The following TPD52L2 variants were observed in gnomAD, a reference collection of about 807,000 sequenced individuals.
TPD52L2 encodes TPD52 like 2.
A neutral mutation model predicts 24.7 loss-of-function variants in TPD52L2; 19 were observed. That is an observed-to-expected ratio of 0.77 (90% CI 0.54 to 1.13). The LOEUF (loss-of-function observed/expected upper bound fraction) is 1.13. Among genes scored for constraint, TPD52L2 ranks in the 50% most tolerant of loss-of-function variants. TPD52L2 has a pLI of 0.00. For missense variants in TPD52L2, 236 were observed against 250.4 expected, an observed-to-expected ratio of 0.94 and a Z score of 0.39; for synonymous variants, 104 against 100.2, an observed-to-expected ratio of 1.04 and a Z score of -0.23.
chr20:63,885,689 C>G (rs2053065527), intron 5 of TPD52L2, among the ~76,000 whole-genome samples: 1 of 152,224 alleles, frequency 6.6e-6, no homozygotes, highest in Non-Finnish European at 1.5e-5. Flanking sequence ...GCTGTGGCTT[C>G]TCCAAACAGG....
intron 4 of TPD52L2, 79 bp downstream of exon 4, chr20:63,875,954 C>CAAAT: frequency 2.2e-6 from 3 of 1,394,648 alleles, no homozygotes; most frequent in Non-Finnish European, 3.0e-6. Flanking sequence ...GGGCTGTGCA[C>CAAAT]ACTTGGCACA....
intron 1 of TPD52L2, among the ~76,000 whole-genome samples, chr20:63,867,785 CT>C (rs892125685): frequency 7.5e-5 from 11 of 146,212 alleles, no homozygotes; most frequent in Admixed American, 6.1e-4. Flanking sequence ...TTTTTCTTTT[CT>C]TTTGTTTTTT....
intron 5 of TPD52L2, chr20:63,885,918 G>A: frequency 2.3e-6 from 3 of 1,318,706 alleles, no homozygotes; most frequent in Admixed American, 3.4e-5. Context: ...GCACGAGCAG[G>A]GGGCCTCCCC....
At chr20:63,871,391 C>T (rs2052458478) in intron 2 of TPD52L2, among the ~76,000 whole-genome samples, 1 of 151,734 alleles carries the variant, frequency 6.6e-6, no homozygotes, top group South Asian at 2.1e-4. Flanking sequence ...ACTCTGTCGC[C>T]CAGGCTGGAG....
At chr20:63,886,528 A>T (rs933768659) in intron 5 of TPD52L2, among the ~76,000 whole-genome samples, 2 of 151,470 alleles carry the variant, frequency 1.3e-5, no homozygotes, top group Admixed American at 1.3e-4. Context: ...CGCCCGGCTA[A>T]TTTTTTGTAT....
At chr20:63,886,292 C>T (rs1347178943) in intron 5 of TPD52L2, among the ~76,000 whole-genome samples, 1 of 152,122 alleles carries the variant, frequency 6.6e-6, no homozygotes, top group Non-Finnish European at 1.5e-5. Context: ...CCTTCAGGCT[C>T]ACAGACCGCC....
At chr20:63,873,610 G>A in intron 2 of TPD52L2, 58 bp from the exon 3 acceptor site, 23 of 1,587,514 alleles carry the variant, frequency 1.4e-5, no homozygotes, top group Non-Finnish European at 2.6e-6. Context: ...TGTGCATGAG[G>A]ATGTTAGTCA....
chr20:63,875,677 C>T (rs558305818), intron 3 of TPD52L2, 139 bp from the exon 4 acceptor site: 1 of 795,566 alleles, frequency 1.3e-6, no homozygotes, highest in South Asian at 1.6e-5. Flanking sequence ...AGGCAGTGGA[C>T]CCCATTTTTG....
At chr20:63,873,950 T>G in intron 3 of TPD52L2, 134 bp downstream of exon 3, 1 of 1,050,002 alleles carries the variant, frequency 9.5e-7, no homozygotes, top group South Asian at 2.1e-5. Context: ...TTTGGAAGGA[T>G]CCAGAGAGAG....
chr20:63,869,911 TC>T (rs2052396540), intron 2 of TPD52L2, among the ~76,000 whole-genome samples: 1 of 152,162 alleles, frequency 6.6e-6, no homozygotes, highest in African/African-American at 2.4e-5. Context: ...GGTGGGAAGA[TC>T]ACTTGAGCCC....
chr20:63,888,433 C>T (rs1027765010), intron 5 of TPD52L2: 1 of 150,006 alleles, frequency 6.7e-6, no homozygotes, highest in Non-Finnish European at 1.5e-5. Flanking sequence ...CGACAGCCCC[C>T]CAACTGCGCA....
At chr20:63,889,474 TGCCCTTCCTGGTCCCC>T in intron 6 of TPD52L2, among the ~76,000 whole-genome samples, 1 of 107,536 alleles carries the variant, frequency 9.3e-6, no homozygotes. Context: ...GCCTCCACAC[TGCCCTTCCTGGTCCCC>T]ACTGCCCTTC....
chr20:63,885,760 G>A (rs542414389), intron 5 of TPD52L2, among the ~76,000 whole-genome samples: 2 of 152,258 alleles, frequency 1.3e-5, no homozygotes, highest in East Asian at 1.9e-4. Context: ...GGGCACAGCC[G>A]TGAGGCTGAG....
intron 2 of TPD52L2, among the ~76,000 whole-genome samples, chr20:63,872,829 G>A (rs890249546): frequency 1.3e-5 from 2 of 152,032 alleles, no homozygotes; most frequent in Non-Finnish European, 2.9e-5. Context: ...TCAGCCTCCC[G>A]AGTAGCTGGG....
intron 3 of TPD52L2, among the ~76,000 whole-genome samples, chr20:63,875,163 A>G (rs186576608): frequency 0.02 from 2,907 of 148,284 alleles, 31 homozygotes; most frequent in Middle Eastern, 0.046. Flanking sequence ...ATATATATAT[A>G]TATATATTTA....
intron 1 of TPD52L2, among the ~76,000 whole-genome samples, chr20:63,867,203 C>T (rs1414365023): frequency 6.6e-6 from 1 of 152,182 alleles, no homozygotes; most frequent in Admixed American, 6.5e-5. Context: ...ATCTGCCCGC[C>T]TTGGCCTCCA....
rs1013250921 is a variant in TPD52L2 at position 63,890,337 on chromosome 20, C to T, written c.*392C>T. ...AGTGGCATTTTCTGACTTCTTCCTC[C>T]TCCTCCTTCCCTGACTCACAGAAGG... On this transcript the variant is annotated 3_prime_UTR_variant, in exon 7 of 7. Transcript: ENST00000346249. 1.6e-5 allele frequency: 4 copies of T among 254,402 alleles called. No homozygotes were observed. The highest frequency in any genetic ancestry group is 3.0e-5 in the Non-Finnish European group (4 of 133,768). The allele number at this position is 254,402 out of a possible 1,614,324, so 15.8% of individuals were successfully genotyped here.
In TPD52L2 at chr20:63,877,765, T is replaced by C. The variant is rs1044871092; in HGVS notation, c.374+1890T>C. ...ACCTGTGGCTCAGCATGGAAGCATA[T>C]GGCCAGTGCATCACCTGGCCGAGGC... On this transcript the variant is annotated intron_variant, in intron 4 of 6. Coordinates refer to ENST00000346249, the MANE Select transcript of TPD52L2 (RefSeq NM_003288.4). The surrounding 1 kb of genome is among the most constrained non-coding windows in gnomAD (Gnocchi z 4.1). Among the ~76,000 whole-genome samples the C allele has an allele frequency of 2.0e-5, 3 of 152,276 alleles. No individual in the cohort carries two copies. Among genetic ancestry groups the C allele is most frequent in the Non-Finnish European group, 4.4e-5 (3 of 68,048 alleles).
chr20:63,885,662 C>T (rs746358063), intron 5 of TPD52L2, among the ~76,000 whole-genome samples: 2 of 152,236 alleles, frequency 1.3e-5, no homozygotes, highest in Non-Finnish European at 2.9e-5. Context: ...CTGGATGGGG[C>T]TGGTTGTGCT....
Sources: allele counts gnomAD v4.1 joint callset (sites outside exome capture counted in the v4.1 genomes callset), GRCh38; gene constraint gnomAD v4.1.1; non-coding constraint Gnocchi (gnomAD v3.1); transcripts MANE v1.5; gene names NCBI Gene and HGNC (gene_info 2026-07-23, HGNC 2026-07-21).